SAR1B: variants seen among roughly 807,000 people sequenced by gnomAD.
SAR1B encodes the protein secretion associated Ras related GTPase 1B, also known as small COPII coat GTPase SAR1B.
A neutral mutation model predicts 26.8 loss-of-function variants in SAR1B; 23 were observed. The observed-to-expected ratio is 0.86, with a 90% CI of 0.62 to 1.22. SAR1B has a LOEUF of 1.22. Ranked by LOEUF, SAR1B falls within the 50% of genes most tolerant of loss-of-function variation. The pLI is 0.00. For missense variants in SAR1B, 196 were observed against 232.8 expected (o/e 0.84, Z 1.03); for synonymous variants, 65 against 80.8 (o/e 0.80, Z 1.05).
At chr5:134,622,794 C>T (rs1292812627) in intron 2 of SAR1B, among the ~76,000 whole-genome samples, 3 of 151,378 alleles carry the variant, frequency 2.0e-5, no homozygotes, top group Admixed American at 1.3e-4. Flanking sequence ...AAGGAGATAA[C>T]TATAGAGAAC....
At position 134,606,048 on chromosome 5, in the gene SAR1B, C is replaced by G. The variant is rs1765122796; in HGVS notation, c.*902G>C. On this transcript the variant is annotated 3_prime_UTR_variant, in exon 7 of 7. Transcript: ENST00000402673. ...ATTACCCCATTGGGCACCAATAAGA[C>G]TGGAGCACTTCAGAATTAGACAGCT... is the stretch of plus-strand genomic sequence containing the variant. The G allele has an allele frequency of 6.6e-6, 1 of 152,210 alleles. No homozygotes were observed. Among genetic ancestry groups the G allele is most frequent in the Non-Finnish European group, 1.5e-5 (1 of 68,060 alleles). The allele number at this position is 152,210 out of a possible 1,614,324, so 9.4% of individuals were successfully genotyped here. A position where few individuals can be genotyped will look rare whatever the true frequency, so the allele number is the denominator to read the frequency against.
chr5:134,624,326 T>C (rs1765461335), intron 1 of SAR1B, among the ~76,000 whole-genome samples: 2 of 152,192 alleles, frequency 1.3e-5, no homozygotes, highest in South Asian at 4.1e-4. Context: ...GGAGAATTAC[T>C]TGAACCCAAG....
rs1159261054 is a variant in SAR1B, at chr5:134,630,412, C to T, written c.-19+2316G>A. On this transcript the variant is annotated intron_variant, in intron 1 of 6. Coordinates refer to ENST00000402673, the MANE Select transcript of SAR1B (RefSeq NM_016103.4). ...AGAGGTTGCAGTGAGCTGGAGATCA[C>T]GCCATTGCACTCCAGCCTGGGCAAC... 2.8e-5 allele frequency among the ~76,000 whole-genome samples: 4 copies of T among 144,764 alleles called. No homozygotes were observed. The South Asian group carries it at 8.7e-4, about 31-fold the overall frequency. 95.0% of individuals were successfully genotyped at this position (144,764 alleles called of 152,430 possible).
At chr5:134,607,426 A>G (rs755208890) in intron 6 of SAR1B, among the ~76,000 whole-genome samples, 2 of 152,222 alleles carry the variant, frequency 1.3e-5, no homozygotes, top group Non-Finnish European at 2.9e-5. Flanking sequence ...TATCAAGCTA[A>G]TTTATAAAAA....
chr5:134,617,330 GGTAA>G (rs1259068706), intron 3 of SAR1B, among the ~76,000 whole-genome samples: 1 of 152,034 alleles, frequency 6.6e-6, no homozygotes, highest in Non-Finnish European at 1.5e-5. Flanking sequence ...ATTTCTCTCG[GGTAA>G]GTAACTAGGA....
At chr5:134,616,131 G>GAA (rs1218921148) in intron 3 of SAR1B, among the ~76,000 whole-genome samples, 1,225 of 69,412 alleles carry the variant, frequency 0.018, 13 homozygotes, top group Middle Eastern at 0.031. Context: ...CTCCATCTCG[G>GAA]AAAAAAAAAA....
At chr5:134,627,659 C>T (rs1765516155) in intron 1 of SAR1B, among the ~76,000 whole-genome samples, 1 of 151,138 alleles carries the variant, frequency 6.6e-6, no homozygotes, top group South Asian at 2.1e-4. Context: ...ATTAGCCGGG[C>T]GTGGTAGTGG....
At chr5:134,609,059 C>T (rs1320164082) in intron 5 of SAR1B, 2 of 456,456 alleles carry the variant, frequency 4.4e-6, no homozygotes, top group South Asian at 3.1e-5. Flanking sequence ...AAATCATGGA[C>T]CTGCTTACTC....
At chr5:134,629,996 C>T (rs1185551209) in intron 1 of SAR1B, among the ~76,000 whole-genome samples, 1 of 152,048 alleles carries the variant, frequency 6.6e-6, no homozygotes, top group African/African-American at 2.4e-5. Flanking sequence ...GGCACAGTGG[C>T]TCATATCTGT....
intron 4 of SAR1B, among the ~76,000 whole-genome samples, chr5:134,612,257 C>A (rs1209542667): frequency 6.6e-6 from 1 of 152,100 alleles, no homozygotes; most frequent in Non-Finnish European, 1.5e-5. Context: ...AAAAGCAATT[C>A]TCATTTGAAT....
intron 1 of SAR1B, chr5:134,631,465 G>T (rs945339798): frequency 6.6e-6 from 1 of 152,160 alleles, no homozygotes; most frequent in Non-Finnish European, 1.5e-5. Flanking sequence ...CTTACTCATA[G>T]TAGTCAATAA....
rs1371770952 is a variant in SAR1B, at chr5:134,604,433, A to G, written c.*2517T>C. 6.6e-6 allele frequency: 1 copy of G among 152,200 alleles called. No individual in the cohort carries two copies. The highest frequency in any genetic ancestry group is 1.9e-4 in the East Asian group (1 of 5,192). 9.4% of individuals were successfully genotyped at this position (152,200 alleles called of 1,614,324 possible). On this transcript the variant is annotated 3_prime_UTR_variant, in exon 7 of 7. Transcript: ENST00000402673. ...CTCTGTGCTTCTACTGTTTCTTGCC[A>G]TCCTCTTAATTTGGTTCTCTTGAAA... is the stretch of plus-strand genomic sequence containing the variant.
At chr5:134,618,829 C>A (rs1480076509) in intron 3 of SAR1B, among the ~76,000 whole-genome samples, 3 of 151,698 alleles carry the variant, frequency 2.0e-5, no homozygotes, top group African/African-American at 7.3e-5. Context: ...GAAACCTGGT[C>A]TCTACTAAAA....
chr5:134,621,530 G>A (rs907870034), intron 2 of SAR1B, among the ~76,000 whole-genome samples: 1 of 151,836 alleles, frequency 6.6e-6, no homozygotes, highest in Non-Finnish European at 1.5e-5. Context: ...TCATGATTTG[G>A]GACTTCAGAT....
intron 3 of SAR1B, chr5:134,614,256 G>A (rs921663295): frequency 3.9e-5 from 6 of 152,122 alleles, no homozygotes; most frequent in African/African-American, 1.4e-4. Context: ...CCTCATGTTT[G>A]TGTTTTCCTT....
intron 1 of SAR1B, among the ~76,000 whole-genome samples, chr5:134,629,716 C>T (rs1291287976): frequency 6.8e-6 from 1 of 147,512 alleles, no homozygotes; most frequent in African/African-American, 2.5e-5. Context: ...AACAAACAAA[C>T]AAACAAACAA....
intron 1 of SAR1B, among the ~76,000 whole-genome samples, chr5:134,629,258 C>CA (rs1390710948): frequency 4.2e-5 from 6 of 141,984 alleles, no homozygotes; most frequent in East Asian, 2.1e-4. Context: ...CCCATCTCTA[C>CA]AAAAAAAATA....
chr5:134,609,471 G>A, intron 5 of SAR1B, 100 bp downstream of exon 5: 1 of 913,462 alleles, frequency 1.1e-6, no homozygotes, highest in Non-Finnish European at 1.8e-6. Context: ...TTTCATCAGA[G>A]ACTGCAGAAA....
intron 3 of SAR1B, among the ~76,000 whole-genome samples, chr5:134,616,053 T>C (rs1009297006): frequency 2.1e-5 from 3 of 140,532 alleles, no homozygotes; most frequent in Non-Finnish European, 3.0e-5. Context: ...GACAGGAGAA[T>C]GTGGCAGGCG....
Sources: allele counts gnomAD v4.1 joint callset (sites outside exome capture counted in the v4.1 genomes callset), GRCh38; gene constraint gnomAD v4.1.1; transcripts MANE v1.5; gene names NCBI Gene and HGNC (gene_info 2026-07-23, HGNC 2026-07-21).